NEDD4: variants seen among roughly 807,000 people sequenced by gnomAD.
The protein encoded by NEDD4 is NEDD4 E3 ubiquitin protein ligase, also known as E3 ubiquitin-protein ligase NEDD4.
Under a neutral mutation model 144.9 loss-of-function variants are expected in NEDD4, and 99 were observed. The observed-to-expected ratio is 0.68, with a 90% confidence interval of 0.58 to 0.81. The LOEUF (loss-of-function observed/expected upper bound fraction) is 0.81. Ranked by LOEUF, NEDD4 falls within the 30% of genes least tolerant of loss-of-function variation. The pLI is 0.00. For missense variants in NEDD4, 985 were observed against 1,065.9 expected (o/e 0.92, Z 1.06); for synonymous variants, 318 against 350.6 (o/e 0.91, Z 1.04).
chr15:55,869,722 G>A lies in NEDD4; in HGVS notation c.405-41C>T, dbSNP rs74015319. On this transcript the variant is annotated intron_variant, in intron 7 of 28. Coordinates refer to ENST00000435532, the MANE Select transcript of NEDD4 (RefSeq NM_006154.4). ...TAAATATTCATAAAACTTTAACACC[G>A]GGAGAAAAGTATTCAATTAATAAGA... 4.5e-3 allele frequency: 5,474 copies of A among 1,216,120 alleles called. 184 individuals are homozygous for A. The African/African-American group carries it at 0.072, about 16-fold the overall frequency. 75.3% of individuals were successfully genotyped at this position (1,216,120 alleles called of 1,614,324 possible). A position where few individuals can be genotyped will look rare whatever the true frequency, so the allele number is the denominator to read the frequency against.
At chr15:55,936,758 A>G (rs1187458980) in intron 4 of NEDD4, among the ~76,000 whole-genome samples, 3 of 151,984 alleles carry the variant, frequency 2.0e-5, no homozygotes, top group Admixed American at 6.6e-5. Flanking sequence ...CTAAGCATGT[A>G]AAGTGTAGAT....
At chr15:55,976,143 A>C (rs1173323220) in intron 1 of NEDD4, among the ~76,000 whole-genome samples, 23 of 152,224 alleles carry the variant, frequency 1.5e-4, no homozygotes, top group African/African-American at 4.8e-4. Flanking sequence ...AACATTGAGG[A>C]AACTCTCCAG....
At chr15:55,843,677 T>C (rs1335412307) in intron 18 of NEDD4, among the ~76,000 whole-genome samples, 1 of 152,068 alleles carries the variant, frequency 6.6e-6, no homozygotes, top group East Asian at 1.9e-4. Context: ...GAAAGCCCTA[T>C]AGAAACATAA....
intron 4 of NEDD4, among the ~76,000 whole-genome samples, chr15:55,928,386 C>T (rs2036716812): frequency 1.3e-5 from 2 of 152,190 alleles, no homozygotes; most frequent in Non-Finnish European, 2.9e-5. Context: ...TCTTTACACC[C>T]TACTTAAAAG....
chr15:55,838,244 T>C (rs575436482), intron 22 of NEDD4, 64 bp from the exon 23 acceptor site: 2 of 1,146,504 alleles, frequency 1.7e-6, no homozygotes, highest in Admixed American at 2.6e-5. Flanking sequence ...AGTATACATA[T>C]TGTAGTTATA....
At position 55,842,011 on chromosome 15, in the gene NEDD4, T is replaced by C; in HGVS notation, c.1761A>G (p.Gly587=). 1.9e-6 allele frequency: 3 copies of C among 1,614,204 alleles called. No individual in the cohort carries two copies. Among genetic ancestry groups the C allele is most frequent in the Non-Finnish European group, 2.5e-6 (3 of 1,180,034 alleles). The change falls in exon 19 of 29, where the codon GGA becomes GGG. Residue 587 remains glycine (G), a synonymous_variant. Coordinates refer to ENST00000435532, the MANE Select transcript of NEDD4 (RefSeq NM_006154.4). ...FDGEKGLDYG[G]VAREWFFLIS... ...TCAGGAAGAACCATTCTCTGGCAAC[T>C]CCTCCATAATCCAATCCCTTTTCAC...
At chr15:55,895,886 C>T (rs1156974609) in intron 5 of NEDD4, among the ~76,000 whole-genome samples, 1 of 152,164 alleles carries the variant, frequency 6.6e-6, no homozygotes, top group Non-Finnish European at 1.5e-5. Flanking sequence ...ACTTTAGGAA[C>T]TTAGATTTAC....
At chr15:55,915,877 G>T in intron 5 of NEDD4, 1 of 1,613,974 alleles carries the variant, frequency 6.2e-7, no homozygotes, top group Non-Finnish European at 8.5e-7. Context: ...GCTGTTGAAA[G>T]AAATCCTTTA....
chr15:55,827,461 T>A lies in NEDD4; in HGVS notation c.*2436A>T, dbSNP rs186497540. Reference sequence around the variant, plus strand: ...TTGAGTCTGGTCTCATTTAACATCATGTTCTATGAGTCACAGAATCATCCA... The same window carrying A: ...TTGAGTCTGGTCTCATTTAACATCAAGTTCTATGAGTCACAGAATCATCCA... On this transcript the variant is annotated 3_prime_UTR_variant, in exon 29 of 29. Transcript: ENST00000435532. 3 of 152,248 alleles carry A rather than the reference T, an allele frequency of 2.0e-5. No homozygotes were observed. The East Asian group carries it at 5.8e-4, about 29-fold the overall frequency. The allele number at this position is 152,248 out of a possible 1,614,324, so 9.4% of individuals were successfully genotyped here.
chr15:55,870,526 CTTCTTT>C (rs371738514), intron 7 of NEDD4, among the ~76,000 whole-genome samples: 70 of 97,012 alleles, frequency 7.2e-4, no homozygotes, highest in East Asian at 1.3e-3. Flanking sequence ...TCTTCTTCTT[CTTCTTT>C]TTTTTTTTTT....
chr15:55,971,550 G>A (rs1386277883), intron 1 of NEDD4, among the ~76,000 whole-genome samples: 1 of 148,154 alleles, frequency 6.7e-6, no homozygotes. Context: ...GCTTGAATCT[G>A]GGAGGCAGAG....
chr15:55,983,664 T>C (rs1595889487), intron 1 of NEDD4, among the ~76,000 whole-genome samples: 1 of 151,134 alleles, frequency 6.6e-6, no homozygotes, highest in Non-Finnish European at 1.5e-5. Flanking sequence ...CAGACTGGAG[T>C]GCAGTGGCGC....
intron 11 of NEDD4, among the ~76,000 whole-genome samples, chr15:55,859,954 G>T (rs1385467463): frequency 6.6e-6 from 1 of 152,142 alleles, no homozygotes; most frequent in Non-Finnish European, 1.5e-5. Flanking sequence ...CTACAGATAA[G>T]ATTTGAGATA....
intron 5 of NEDD4, among the ~76,000 whole-genome samples, chr15:55,902,938 T>A (rs1309064824): frequency 6.6e-6 from 1 of 151,952 alleles, no homozygotes; most frequent in Non-Finnish European, 1.5e-5. Context: ...GAAGTGGAGG[T>A]TGCAGTGAAC....
chr15:55,959,405 C>G (rs1430677332), intron 2 of NEDD4, among the ~76,000 whole-genome samples: 1 of 152,194 alleles, frequency 6.6e-6, no homozygotes, highest in African/African-American at 2.4e-5. Flanking sequence ...TGAAACTTGT[C>G]CTATGGACCC....
Position 55,834,722 on chromosome 15 carries a change from A to G in NEDD4, c.2263-436T>C, listed in dbSNP as rs569541334. On this transcript the variant is annotated intron_variant, in intron 24 of 28. Coordinates refer to ENST00000435532, the MANE Select transcript of NEDD4 (RefSeq NM_006154.4). ...TATTCCAGCCTCGGCAAAAAGTGAG[A>G]TCCTGTCTCAAAACAACAAGAACAA... Among the ~76,000 whole-genome samples, 401 of 152,260 alleles carry G rather than the reference A, an allele frequency of 2.6e-3. 2 individuals carry two copies. Among genetic ancestry groups the G allele is most frequent in the African/African-American group, 9.3e-3 (387 of 41,550 alleles).
chr15:55,974,878 T>C (rs1192386611), intron 1 of NEDD4, among the ~76,000 whole-genome samples: 1 of 133,362 alleles, frequency 7.5e-6, no homozygotes, highest in African/African-American at 2.8e-5. Flanking sequence ...AGGATGTCCA[T>C]TTCTTTTCCT....
chr15:55,915,612 T>A (rs2036413075), intron 5 of NEDD4: 1 of 1,613,854 alleles, frequency 6.2e-7, no homozygotes, highest in Non-Finnish European at 8.5e-7. Context: ...TGAATCAGAA[T>A]TAAGCTTAAT....
intron 4 of NEDD4, among the ~76,000 whole-genome samples, chr15:55,928,800 C>G (rs1356355844): frequency 1.3e-5 from 2 of 152,148 alleles, no homozygotes; most frequent in African/African-American, 4.8e-5. Flanking sequence ...TGTGTGATAT[C>G]TCCCTACTGA....
Sources: gnomAD v4.1 joint callset for allele counts (sites outside exome capture counted in the v4.1 genomes callset) on GRCh38, gnomAD v4.1.1 for gene constraint, MANE v1.5 for transcripts, NCBI Gene and HGNC (gene_info 2026-07-23, HGNC 2026-07-21) for gene names.